Variants in SNTG1 observed in about 807,000 individuals in gnomAD.
The protein encoded by SNTG1 is syntrophin gamma 1.
SNTG1 carries 39 observed loss-of-function variants against 74.7 expected under a neutral mutation model. The observed-to-expected ratio is 0.52, with a 90% confidence interval of 0.40 to 0.68. The LOEUF is 0.68. Ranked by LOEUF, SNTG1 falls within the 30% of genes least tolerant of loss-of-function variation. SNTG1 has a pLI of 0.00. For synonymous variants in SNTG1, 254 were observed against 217.1 expected, an observed-to-expected ratio of 1.17 and a Z score of -1.49; for missense variants, 685 against 609.5, an observed-to-expected ratio of 1.12 and a Z score of -1.30.
At position 50,378,140 on chromosome 8, in the gene SNTG1, T is replaced by A. The variant is rs569964704; in HGVS notation, c.-27-16072T>A. 2.0e-5 allele frequency among the ~76,000 whole-genome samples: 3 copies of A among 152,228 alleles called. No individual in the cohort carries two copies. The South Asian group carries it at 6.2e-4, about 32-fold the overall frequency. ...AAGGGGTGTGTGAGTGAGCACGGGG[T>A]TCGGCCACTGCACGATCAGACACAC... On this transcript the variant is annotated intron_variant, in intron 2 of 18. Coordinates refer to ENST00000642720, the MANE Select transcript of SNTG1 (RefSeq NM_018967.5).
intron 1 of SNTG1, among the ~76,000 whole-genome samples, chr8:49,973,233 A>C (rs1218661123): frequency 6.6e-6 from 1 of 152,106 alleles, no homozygotes; most frequent in Admixed American, 6.6e-5. Flanking sequence ...TGAAGCTGGA[A>C]ACCGTCATTC....
chr8:50,701,621 G>C (rs796119617), intron 15 of SNTG1, among the ~76,000 whole-genome samples: 499 of 75,518 alleles, frequency 6.6e-3, no homozygotes, highest in African/African-American at 0.034. Flanking sequence ...TCTTCTTCGT[G>C]TTCCTCTTCC....
At chr8:50,155,778 C>A (rs1417554894) in intron 1 of SNTG1, among the ~76,000 whole-genome samples, 1 of 151,608 alleles carries the variant, frequency 6.6e-6, no homozygotes, top group Admixed American at 6.6e-5. Flanking sequence ...TAATGTAATT[C>A]AAGGTAAGTT....
At position 50,313,648 on chromosome 8, in the gene SNTG1, A is replaced by G. The variant is rs974753200; in HGVS notation, c.-27-80564A>G. Among the ~76,000 whole-genome samples the G allele has an allele frequency of 1.0e-4, 15 of 150,148 alleles. 1 individual carries two copies. The highest frequency in any genetic ancestry group is 3.7e-4 in the African/African-American group (15 of 40,350). Reference sequence around the variant, plus strand: ...AAAATGGCTATTATATTTTCAGTTTATTTTATAATGCCAAAATTATATTAA... The same window carrying G: ...AAAATGGCTATTATATTTTCAGTTTGTTTTATAATGCCAAAATTATATTAA... On this transcript the variant is annotated intron_variant, in intron 2 of 18. Coordinates refer to ENST00000642720, the MANE Select transcript of SNTG1 (RefSeq NM_018967.5).
intron 2 of SNTG1, among the ~76,000 whole-genome samples, chr8:50,306,133 T>C (rs2089887591): frequency 6.7e-6 from 1 of 150,134 alleles, no homozygotes; most frequent in African/African-American, 2.5e-5. Context: ...CACTTATAAG[T>C]AAGAATATAC....
At chr8:50,655,709 A>G (rs2095175824) in intron 13 of SNTG1, among the ~76,000 whole-genome samples, 3 of 152,244 alleles carry the variant, frequency 2.0e-5, no homozygotes, top group Non-Finnish European at 4.4e-5. Context: ...GAGATCTATG[A>G]GTAGACGACA....
intron 1 of SNTG1, among the ~76,000 whole-genome samples, chr8:50,066,142 G>A (rs931505218): frequency 6.6e-6 from 1 of 152,088 alleles, no homozygotes; most frequent in Non-Finnish European, 1.5e-5. Context: ...TTGAACCTGG[G>A]AGGCGGAGGT....
At chr8:50,005,237 A>G (rs1815104485) in intron 1 of SNTG1, among the ~76,000 whole-genome samples, 4 of 152,138 alleles carry the variant, frequency 2.6e-5, no homozygotes. Flanking sequence ...AAAACAGAGC[A>G]TAACAGACAT....
Position 50,633,474 on chromosome 8 carries a change from A to C in SNTG1, c.850-23435A>C, listed in dbSNP as rs2095017356. 2.0e-5 allele frequency among the ~76,000 whole-genome samples: 3 copies of C among 152,230 alleles called. No homozygotes were observed. In the South Asian group the frequency reaches 6.2e-4, roughly 31 times the overall value. On this transcript the variant is annotated intron_variant, in intron 13 of 18. Transcript: ENST00000642720. ...ACCAGAGAGATGAGAGAACAGGTGC[A>C]TAAAGCTTCCTAAAGATGGATAACA...
At chr8:49,986,800 G>A (rs541218960) in intron 1 of SNTG1, among the ~76,000 whole-genome samples, 4 of 151,938 alleles carry the variant, frequency 2.6e-5, no homozygotes. Flanking sequence ...AGGGTCACAT[G>A]AACCCAGGAA....
At chr8:50,568,644 A>T (rs745378925) in intron 12 of SNTG1, among the ~76,000 whole-genome samples, 13 of 152,130 alleles carry the variant, frequency 8.5e-5, no homozygotes, top group Non-Finnish European at 1.9e-4. Flanking sequence ...CTCTTAAGAA[A>T]TATCTATTTA....
At chr8:50,300,090 A>C (rs111604046) in intron 2 of SNTG1, among the ~76,000 whole-genome samples, 49 of 152,140 alleles carry the variant, frequency 3.2e-4, no homozygotes, top group Non-Finnish European at 4.9e-4. Flanking sequence ...TCTCATTCAC[A>C]AAAGAGGAAC....
chr8:50,474,609 A>C (rs1344184969), intron 8 of SNTG1, among the ~76,000 whole-genome samples: 3 of 152,164 alleles, frequency 2.0e-5, no homozygotes, highest in Admixed American at 6.5e-5. Context: ...AGAAATAGGA[A>C]CACTTTTACA....
intron 1 of SNTG1, among the ~76,000 whole-genome samples, chr8:49,976,343 T>A (rs947753170): frequency 2.6e-5 from 4 of 152,228 alleles, no homozygotes. Context: ...GGATGGCAAG[T>A]CATCCACTTA....
intron 2 of SNTG1, among the ~76,000 whole-genome samples, chr8:50,228,112 A>G (rs1231799911): frequency 6.6e-6 from 1 of 151,890 alleles, no homozygotes; most frequent in Non-Finnish European, 1.5e-5. Context: ...AAGAAGAGTG[A>G]TAGAAACTCT....
At chr8:50,458,094 G>A (rs1427863558) in intron 8 of SNTG1, 1 of 152,046 alleles carries the variant, frequency 6.6e-6, no homozygotes, top group Non-Finnish European at 1.5e-5. Flanking sequence ...TGTACCCAAC[G>A]CTGTCAATTT....
chr8:49,946,627 G>T (rs985867099), intron 1 of SNTG1, among the ~76,000 whole-genome samples: 1 of 152,026 alleles, frequency 6.6e-6, no homozygotes, highest in Non-Finnish European at 1.5e-5. Flanking sequence ...CTTTGGAAAA[G>T]CAGGGAAGTG....
intron 1 of SNTG1, among the ~76,000 whole-genome samples, chr8:49,997,181 T>C (rs1287518294): frequency 7.9e-5 from 12 of 152,156 alleles, no homozygotes; most frequent in Non-Finnish European, 1.8e-4. Flanking sequence ...ATTGTACACA[T>C]TTTATTGTGA....
chr8:50,049,130 G>A (rs1819349110), intron 1 of SNTG1, among the ~76,000 whole-genome samples: 1 of 152,002 alleles, frequency 6.6e-6, no homozygotes, highest in South Asian at 2.1e-4. Context: ...GCCATGAATT[G>A]TAAAGATTAG....
Sources: allele counts gnomAD v4.1 joint callset (sites outside exome capture counted in the v4.1 genomes callset), GRCh38; gene constraint gnomAD v4.1.1; transcripts MANE v1.5; gene names NCBI Gene and HGNC (gene_info 2026-07-23, HGNC 2026-07-21).